ZNF862: variants seen among roughly 807,000 people sequenced by gnomAD.
ZNF862 encodes the protein zinc finger protein 862.
In ZNF862, 64 loss-of-function variants were observed where a neutral mutation model predicts 91.1. The observed-to-expected ratio is 0.70, with a 90% CI of 0.57 to 0.87. The LOEUF is 0.87. Ranked by LOEUF, ZNF862 falls within the 40% of genes least tolerant of loss-of-function variation. The probability of loss-of-function intolerance (pLI) is 0.00; values close to 1 mark genes in which losing one functional copy is unlikely to be tolerated. For synonymous variants in ZNF862, 631 were observed against 618.1 expected (o/e 1.02, Z -0.31); for missense variants, 1,459 against 1,528.0 (o/e 0.95, Z 0.75).
chr7:149,863,451 G>C (rs1271800688), intron 7 of ZNF862, among the ~76,000 whole-genome samples: 1 of 152,160 alleles, frequency 6.6e-6, no homozygotes, highest in Non-Finnish European at 1.5e-5. Flanking sequence ...ATGGCTGACA[G>C]AGGCTCTGTA....
chr7:149,862,754 T>C (rs1345407159), intron 7 of ZNF862, among the ~76,000 whole-genome samples: 5 of 152,258 alleles, frequency 3.3e-5, no homozygotes, highest in Non-Finnish European at 5.9e-5. Flanking sequence ...AGTGCTGTGC[T>C]GGCTCTGCCC....
chr7:149,861,381 G>T lies in ZNF862; in HGVS notation c.2221G>T (p.Asp741Tyr), dbSNP rs375023477. The change falls in exon 7 of 8, where the codon GAT (aspartate) becomes TAT (tyrosine). Residue 741 changes from aspartate to tyrosine, a missense_variant. Coordinates refer to ENST00000223210, the MANE Select transcript of ZNF862 (RefSeq NM_001099220.3). The surrounding 1 kb of genome is among the most constrained non-coding windows in gnomAD (Gnocchi z 6.7). Reference protein sequence around the residue: ...LAVVDACGSIDLVKKCDRHIR... With the variant: ...LAVVDACGSIYLVKKCDRHIR... ...TGTGGTGGACGCCTGCGGGAGCATC[G>T]ATCTGGTGAAGAAGTGTGACCGGCA... The T allele has an allele frequency of 1.2e-6, 2 of 1,612,946 alleles. No individual in the cohort carries two copies. Among genetic ancestry groups the T allele is most frequent in the African/African-American group, 1.3e-5 (1 of 74,942 alleles).
chr7:149,856,171 C>G (rs2128939831), intron 5 of ZNF862: 1 of 152,394 alleles, frequency 6.6e-6, no homozygotes, highest in African/African-American at 2.4e-5. Flanking sequence ...AGAGCTGGCT[C>G]CTGCTCTGGG....
At chr7:149,840,631 C>G (rs1801671563) in intron 1 of ZNF862, among the ~76,000 whole-genome samples, 1 of 142,038 alleles carries the variant, frequency 7.0e-6, no homozygotes, top group East Asian at 2.0e-4. Flanking sequence ...ACAGATGGAC[C>G]TTTTTTTTTT....
chr7:149,851,223 G>T (rs1278491505), intron 5 of ZNF862, among the ~76,000 whole-genome samples: 1 of 152,176 alleles, frequency 6.6e-6, no homozygotes, highest in Non-Finnish European at 1.5e-5. Context: ...TAGAGACGGG[G>T]TTTCACCATG....
chr7:149,861,179 C>T lies in ZNF862; in HGVS notation c.2019C>T (p.Thr673=). Residue 673 remains threonine (T), a synonymous_variant, in exon 7 of 8, where the codon ACC becomes ACT. Transcript: ENST00000223210. The surrounding 1 kb of genome is among the most constrained non-coding windows in gnomAD (Gnocchi z 6.7). ...YSETADGYFE[T]IVSALDELDI... ...AGACAGCAGATGGGTACTTCGAGAC[C>T]ATCGTTTCTGCCCTGGATGAGCTGG... The T allele has an allele frequency of 6.2e-7, 1 of 1,612,856 alleles. No homozygotes were observed. The highest frequency in any genetic ancestry group is 8.5e-7 in the Non-Finnish European group (1 of 1,179,774).
chr7:149,848,141 G>A lies in ZNF862; in HGVS notation c.648G>A (p.Arg216=). The change falls in exon 4 of 8, where the codon CGG becomes CGA. Residue 216 remains arginine, a synonymous_variant. Coordinates refer to ENST00000223210, the MANE Select transcript of ZNF862 (RefSeq NM_001099220.3). Reference sequence around the variant, plus strand: ...CGAGGGACCCCATCTGGGCAGCCCGGTTCCGGAGCATCAGAGACCCACCTG... The same window carrying A: ...CGAGGGACCCCATCTGGGCAGCCCGATTCCGGAGCATCAGAGACCCACCTG... ...LAARDPIWAA[R]FRSIRDPPGD... 1 of 1,614,048 alleles carries A rather than the reference G, an allele frequency of 6.2e-7. No individual in the cohort carries two copies. The highest frequency in any genetic ancestry group is 8.5e-7 in the Non-Finnish European group (1 of 1,179,900).
intron 4 of ZNF862, among the ~76,000 whole-genome samples, chr7:149,849,933 G>A (rs896559479): frequency 1.2e-4 from 19 of 152,160 alleles, no homozygotes; most frequent in African/African-American, 4.6e-4. Flanking sequence ...TTTCATTTCC[G>A]CCCAGGAGAT....
In ZNF862 at chr7:149,850,084, T is replaced by C; in HGVS notation, c.940-77T>C. 1 of 1,494,324 alleles carries C rather than the reference T, an allele frequency of 6.7e-7. No individual in the cohort carries two copies. 92.6% of individuals were successfully genotyped at this position (1,494,324 alleles called of 1,614,324 possible). A position where few individuals can be genotyped will look rare whatever the true frequency, so the allele number is the denominator to read the frequency against. Reference sequence around the variant, plus strand: ...GTGAGCTTCCCAGGAGAAATAGGGCTTCCAAAGGCCCCAGAAGTGTCACGT... The same window carrying C: ...GTGAGCTTCCCAGGAGAAATAGGGCCTCCAAAGGCCCCAGAAGTGTCACGT... On this transcript the variant is annotated intron_variant, in intron 4 of 7. Transcript: ENST00000223210. The surrounding 1 kb of genome is among the most constrained non-coding windows in gnomAD (Gnocchi z 4.2).
chr7:149,856,481 C>T (rs922382560), intron 5 of ZNF862: 7 of 152,194 alleles, frequency 4.6e-5, no homozygotes, highest in Non-Finnish European at 1.0e-4. Context: ...TCGGACTCTT[C>T]CCCCTCGAAT....
chr7:149,864,454 T>G lies in ZNF862; in HGVS notation c.*170T>G. 1 of 651,802 alleles carries G rather than the reference T, an allele frequency of 1.5e-6. No homozygotes were observed. Among genetic ancestry groups the G allele is most frequent in the Non-Finnish European group, 2.6e-6 (1 of 388,988 alleles). The allele number at this position is 651,802 out of a possible 1,614,324, so 40.4% of individuals were successfully genotyped here. A position where few individuals can be genotyped will look rare whatever the true frequency, so the allele number is the denominator to read the frequency against. ...CAGGGGTATCAGGAGGTGCATGACCTGTTTCCTGAGGCCCCACTCAGCACA... is the reference window on the plus strand; with the variant it reads ...CAGGGGTATCAGGAGGTGCATGACCGGTTTCCTGAGGCCCCACTCAGCACA... On this transcript the variant is annotated 3_prime_UTR_variant, in exon 8 of 8. Transcript: ENST00000223210.
chr7:149,859,318 C>T (rs1802370605), intron 5 of ZNF862, 104 bp from the exon 6 acceptor site: 1 of 1,080,058 alleles, frequency 9.3e-7, no homozygotes, highest in East Asian at 2.6e-5. Context: ...AAGGACAGAA[C>T]CCAGAGACAC....
chr7:149,862,658 T>C (rs2128943018), intron 7 of ZNF862, among the ~76,000 whole-genome samples, 164 bp downstream of exon 7: 1 of 152,358 alleles, frequency 6.6e-6, no homozygotes, highest in Non-Finnish European at 1.5e-5. Context: ...CTTGCACCCC[T>C]GCCAGGGAGA....
At chr7:149,857,072 A>G (rs1016334502) in intron 5 of ZNF862, among the ~76,000 whole-genome samples, 2 of 152,138 alleles carry the variant, frequency 1.3e-5, no homozygotes, top group Non-Finnish European at 1.5e-5. Context: ...ATTGATTTCA[A>G]TTTTCTCAAA....
intron 4 of ZNF862, among the ~76,000 whole-genome samples, chr7:149,849,229 A>T (rs1645037083): frequency 6.6e-6 from 1 of 152,166 alleles, no homozygotes; most frequent in Admixed American, 6.5e-5. Flanking sequence ...TATTAAACTC[A>T]TCTTGTTGGA....
chr7:149,851,908 C>T (rs1029322298), intron 5 of ZNF862: 1 of 152,108 alleles, frequency 6.6e-6, no homozygotes, highest in Non-Finnish European at 1.5e-5. Flanking sequence ...AGGGGGTGGG[C>T]CTGGCCTCTC....
At chr7:149,854,592 G>A (rs1445805893) in intron 5 of ZNF862, among the ~76,000 whole-genome samples, 1 of 152,194 alleles carries the variant, frequency 6.6e-6, no homozygotes, top group East Asian at 1.9e-4. Flanking sequence ...GAGTCCAGGT[G>A]GGCCTGATCA....
Position 149,862,211 on chromosome 7 carries a change from C to A in ZNF862, c.3051C>A (p.Cys1017Ter), listed in dbSNP as rs778884848. 6 of 1,613,592 alleles carry A rather than the reference C, an allele frequency of 3.7e-6. No homozygotes were observed. The Admixed American group carries it at 1.0e-4, about 27-fold the overall frequency. The change falls in exon 7 of 8, where the codon TGC becomes TGA. Residue 1017 changes from cysteine (C) to a stop codon, truncating the protein, a stop_gained. Coordinates refer to ENST00000223210, the MANE Select transcript of ZNF862 (RefSeq NM_001099220.3). LOFTEE classifies it high-confidence loss of function. ...MLCKNALAQH[C>*]RFPLLSKLMA... ...GCAAAAACGCCCTGGCCCAGCACTG[C>A]CGCTTCCCCCTGCTAAGCAAGCTCA...
Position 149,860,829 on chromosome 7 carries a change from C to T in ZNF862, c.1669C>T (p.His557Tyr), listed in dbSNP as rs770233340. ...CAGCGACCTCATGGCCAACATGGAG[C>T]ACTTTTTCAATGCCGCCTACTCCAT... Reference protein sequence around the residue: ...ISSDLMANMEHFFNAAYSIAY... With the variant: ...ISSDLMANMEYFFNAAYSIAY... The change falls in exon 7 of 8, where the codon CAC (histidine) becomes TAC (tyrosine). Residue 557 changes from histidine to tyrosine, a missense_variant. His to Tyr is a moderately conservative substitution (Grantham distance 83). Transcript: ENST00000223210. The T allele has an allele frequency of 1.2e-6, 2 of 1,613,766 alleles. No homozygotes were observed. Among genetic ancestry groups the T allele is most frequent in the South Asian group, 1.1e-5 (1 of 91,088 alleles).
Sources: allele counts gnomAD v4.1 joint callset (sites outside exome capture counted in the v4.1 genomes callset), GRCh38; gene constraint gnomAD v4.1.1; non-coding constraint Gnocchi (gnomAD v3.1); transcripts MANE v1.5; gene names NCBI Gene and HGNC (gene_info 2026-07-23, HGNC 2026-07-21).